The following LRRC7 variants were observed in gnomAD, a reference collection of about 807,000 sequenced individuals.
LRRC7 encodes leucine rich repeat containing 7.
Under a neutral mutation model 175.7 loss-of-function variants are expected in LRRC7, and 23 were observed. That is an observed-to-expected ratio of 0.13 (90% CI 0.09 to 0.19). The LOEUF (loss-of-function observed/expected upper bound fraction) is 0.19. LRRC7 is among the 10% of genes least tolerant of loss of function. The probability of loss-of-function intolerance (pLI) is 1.00; values close to 1 mark genes in which losing one functional copy is unlikely to be tolerated. For synonymous variants in LRRC7, 685 were observed against 680.9 expected, an observed-to-expected ratio of 1.01 and a Z score of -0.09; for missense variants, 1,354 against 1,904.7, an observed-to-expected ratio of 0.71 and a Z score of 5.38.
At chr1:69,802,833 A>T (rs114921240) in intron 4 of LRRC7, among the ~76,000 whole-genome samples, 1,696 of 151,390 alleles carry the variant, frequency 0.011, 33 homozygotes, top group African/African-American at 0.039. Flanking sequence ...GCATAATTTT[A>T]CAAATTATTT....
In LRRC7 at chr1:70,127,603, A is replaced by G. The variant is rs933832631; in HGVS notation, c.*5716A>G. On this transcript the variant is annotated 3_prime_UTR_variant, in exon 27 of 27. Transcript: ENST00000651989. ...GTCTTCCCAGTTGGGTTCTGAGCTC[A>G]TGCTCTTTGTAACAACACACTGAGC... Among the ~76,000 whole-genome samples, 1 of 152,216 alleles carries G rather than the reference A, an allele frequency of 6.6e-6. No individual in the cohort carries two copies. The highest frequency in any genetic ancestry group is 1.5e-5 in the Non-Finnish European group (1 of 68,046).
chr1:69,924,283 C>A (rs1337402774), intron 7 of LRRC7, among the ~76,000 whole-genome samples: 5 of 151,772 alleles, frequency 3.3e-5, no homozygotes, highest in South Asian at 2.1e-4. Flanking sequence ...CTTGGCGATG[C>A]GGGCTCTTTT....
intron 3 of LRRC7, among the ~76,000 whole-genome samples, chr1:69,775,394 C>G (rs956005025): frequency 2.7e-4 from 41 of 152,142 alleles, no homozygotes; most frequent in African/African-American, 9.9e-4. Flanking sequence ...AATCCCCTGT[C>G]AACTCCGAAA....
At chr1:69,843,401 A>G (rs1681961594) in intron 7 of LRRC7, among the ~76,000 whole-genome samples, 2 of 152,144 alleles carry the variant, frequency 1.3e-5, no homozygotes, top group Admixed American at 1.3e-4. Flanking sequence ...AGATTTCATT[A>G]TCATCTGTGA....
intron 24 of LRRC7, among the ~76,000 whole-genome samples, chr1:70,082,809 T>TTTTTTTTTTTTTC (rs1553201485): frequency 1.5e-5 from 2 of 137,394 alleles, no homozygotes; most frequent in Non-Finnish European, 3.1e-5. Context: ...TTTTTTTTTT[T>TTTTTTTTTTTTTC]TTTGAGACAA....
intron 3 of LRRC7, among the ~76,000 whole-genome samples, chr1:69,780,961 T>C (rs1423104469): frequency 6.6e-6 from 1 of 152,196 alleles, no homozygotes; most frequent in African/African-American, 2.4e-5. Context: ...CTAATACTTT[T>C]GTATTTGTGG....
intron 11 of LRRC7, 125 bp downstream of exon 11, chr1:69,994,758 T>G (rs1337139975): frequency 3.5e-6 from 2 of 563,656 alleles, no homozygotes; most frequent in African/African-American, 1.9e-5. Flanking sequence ...TGTCAGCTTA[T>G]TTTAAACCAT....
At chr1:70,112,740 G>T (rs747406740) in intron 26 of LRRC7, among the ~76,000 whole-genome samples, 3 of 152,104 alleles carry the variant, frequency 2.0e-5, no homozygotes, top group Non-Finnish European at 4.4e-5. Flanking sequence ...GTGGAGGGAG[G>T]TGAAAGAAGG....
intron 10 of LRRC7, among the ~76,000 whole-genome samples, chr1:69,990,414 G>C (rs1654327431): frequency 6.6e-6 from 1 of 151,896 alleles, no homozygotes; most frequent in Non-Finnish European, 1.5e-5. Context: ...CAATAAAGAT[G>C]TTATTTATGA....
intron 17 of LRRC7, among the ~76,000 whole-genome samples, chr1:70,025,836 G>GA (rs1658033940): frequency 6.9e-6 from 1 of 144,966 alleles, no homozygotes; most frequent in African/African-American, 2.5e-5. Flanking sequence ...ATTTAAGGGG[G>GA]GGGGGGTCCT....
rs1408251163 is a variant in LRRC7 at position 69,769,675 on chromosome 1, C to T, written c.303+9282C>T. Among the ~76,000 whole-genome samples, 10 of 152,082 alleles carry T rather than the reference C, an allele frequency of 6.6e-5. No individual in the cohort carries two copies. In the East Asian group the frequency reaches 1.9e-3, roughly 29 times the overall value. Reference sequence around the variant, plus strand: ...ATTGAAATCCAAAACACTCTGGTTCCAAGTATAAGGGATATTTAACATGTA... The same window carrying T: ...ATTGAAATCCAAAACACTCTGGTTCTAAGTATAAGGGATATTTAACATGTA... On this transcript the variant is annotated intron_variant, in intron 3 of 26. Transcript: ENST00000651989.
chr1:69,786,859 G>A (rs760601249), intron 3 of LRRC7, among the ~76,000 whole-genome samples: 18 of 152,032 alleles, frequency 1.2e-4, no homozygotes, highest in South Asian at 2.1e-4. Context: ...CAGATCTTAC[G>A]TACTCACATT....
chr1:69,569,601 GGACTGTATA>G (rs1296388186), intron 1 of LRRC7, among the ~76,000 whole-genome samples: 1 of 151,710 alleles, frequency 6.6e-6, no homozygotes, highest in African/African-American at 2.4e-5. Context: ...GGGGGTTGGG[GGACTGTATA>G]GATTGCCTTT....
chr1:69,729,331 C>T (rs1312198852), intron 2 of LRRC7, among the ~76,000 whole-genome samples: 1 of 152,108 alleles, frequency 6.6e-6, no homozygotes, highest in African/African-American at 2.4e-5. Flanking sequence ...CTCAGAAGTC[C>T]TAGTCCAAAG....
Position 69,741,249 on chromosome 1 carries a change from T to C in LRRC7, c.101-18942T>C, listed in dbSNP as rs545452555. Among the ~76,000 whole-genome samples, 5 of 152,120 alleles carry C rather than the reference T, an allele frequency of 3.3e-5. No individual in the cohort carries two copies. The South Asian group carries it at 8.3e-4, about 25-fold the overall frequency. On this transcript the variant is annotated intron_variant, in intron 2 of 26. Transcript: ENST00000651989. ...AATTTTTTAAAAAAAAGTTTTTTAA[T>C]ATAGATATGTTCAAAATATGGCATG...
At chr1:69,662,414 T>A (rs1657609143) in intron 1 of LRRC7, among the ~76,000 whole-genome samples, 1 of 152,234 alleles carries the variant, frequency 6.6e-6, no homozygotes, top group African/African-American at 2.4e-5. Flanking sequence ...CTATTGTGTT[T>A]GCTATTTTCC....
chr1:69,699,832 G>C (rs1740902), intron 2 of LRRC7, among the ~76,000 whole-genome samples: 66,569 of 151,860 alleles, frequency 0.44, 14,826 homozygotes, highest in Admixed American at 0.5. Context: ...GGGTAGCCTC[G>C]CATAACCCAC....
Position 70,131,903 on chromosome 1 carries a change from T to C in LRRC7, c.*10016T>C, listed in dbSNP as rs1366845801. Among the ~76,000 whole-genome samples the C allele has an allele frequency of 3.9e-5, 6 of 152,340 alleles. No individual in the cohort carries two copies. Among genetic ancestry groups the C allele is most frequent in the Non-Finnish European group, 7.3e-5 (5 of 68,030 alleles). Reference sequence around the variant, plus strand: ...GGATAGTAAGAATATTTTAGAATAGTAAGAGTACTTTAATGAAATATTTTT... The same window carrying C: ...GGATAGTAAGAATATTTTAGAATAGCAAGAGTACTTTAATGAAATATTTTT... On this transcript the variant is annotated 3_prime_UTR_variant, in exon 27 of 27. Transcript: ENST00000651989.
At position 70,026,838 on chromosome 1, in the gene LRRC7, A is replaced by G. The variant is rs114043682; in HGVS notation, c.1795-1333A>G. Among the ~76,000 whole-genome samples, 371 of 152,276 alleles carry G rather than the reference A, an allele frequency of 2.4e-3. 4 individuals carry two copies. The highest frequency in any genetic ancestry group is 8.7e-3 in the African/African-American group (362 of 41,572). ...TCATCTAGTGAAGTCCAATTCTAGT[A>G]TTTGATGAGAAAAAATGAGCCACAA... On this transcript the variant is annotated intron_variant, in intron 17 of 26. Transcript: ENST00000651989.
Sources: allele counts gnomAD v4.1 joint callset (sites outside exome capture counted in the v4.1 genomes callset), GRCh38; gene constraint gnomAD v4.1.1; transcripts MANE v1.5; gene names NCBI Gene and HGNC (gene_info 2026-07-23, HGNC 2026-07-21).